The following BIRC6 variants were observed in gnomAD, a reference collection of about 807,000 sequenced individuals.
The protein encoded by BIRC6 is dual E2 ubiquitin-conjugating enzyme/E3 ubiquitin-protein ligase BIRC6.
In BIRC6, 98 loss-of-function variants were observed where a neutral mutation model predicts 503.3. The observed-to-expected ratio is 0.19, with a 90% confidence interval of 0.17 to 0.23. The LOEUF (loss-of-function observed/expected upper bound fraction) is 0.23. Ranked by LOEUF, BIRC6 falls within the 10% of genes least tolerant of loss-of-function variation. The pLI is 1.00. For missense variants in BIRC6, 5,360 were observed against 5,806.0 expected, an observed-to-expected ratio of 0.92 and a Z score of 2.50; for synonymous variants, 2,240 against 2,078.7, an observed-to-expected ratio of 1.08 and a Z score of -2.11.
intron 54 of BIRC6, among the ~76,000 whole-genome samples, chr2:32,513,801 T>C (rs2054700217): frequency 6.6e-6 from 1 of 152,002 alleles, no homozygotes; most frequent in South Asian, 2.1e-4. Context: ...CCCAGTTACT[T>C]GGGAGGCTGA....
At chr2:32,594,165 AG>A (rs1245464740) in intron 67 of BIRC6, 105 bp downstream of exon 67, 2 of 1,301,920 alleles carry the variant, frequency 1.5e-6, no homozygotes, top group African/African-American at 3.0e-5. Flanking sequence ...ATGATTTTAA[AG>A]CAAGTTCATT....
intron 10 of BIRC6, among the ~76,000 whole-genome samples, chr2:32,416,877 C>T (rs1311408613): frequency 6.8e-6 from 1 of 146,794 alleles, no homozygotes; most frequent in Non-Finnish European, 1.5e-5. Context: ...ATTCTTGTTG[C>T]CCAAGCTGAA....
intron 61 of BIRC6, among the ~76,000 whole-genome samples, chr2:32,536,645 G>C (rs552490532): frequency 1.1e-4 from 16 of 152,258 alleles, no homozygotes; most frequent in African/African-American, 3.9e-4. Context: ...TGAGGGCTCT[G>C]TTCTGTTCCA....
chr2:32,380,963 C>G (rs569514175), intron 3 of BIRC6, among the ~76,000 whole-genome samples: 2 of 152,192 alleles, frequency 1.3e-5, no homozygotes, highest in East Asian at 3.9e-4. Flanking sequence ...TTTGTGCTTT[C>G]TCTGAAATTT....
chr2:32,517,240 C>G (rs2055153059), intron 55 of BIRC6, among the ~76,000 whole-genome samples: 1 of 151,944 alleles, frequency 6.6e-6, no homozygotes, highest in South Asian at 2.1e-4. Flanking sequence ...ACTCAGGAGG[C>G]TTGAGGTGGG....
Position 32,430,879 on chromosome 2 carries a change from G to A in BIRC6, c.3037G>A (p.Val1013Met). The change falls in exon 12 of 74, where the codon GTG (valine) becomes ATG (methionine). Residue 1013 changes from valine to methionine, a missense_variant. Coordinates refer to ENST00000421745, the MANE Select transcript of BIRC6 (RefSeq NM_016252.4). ...CTAATGTTAAGGAGTTGATTTATTGGTGGACCAGCCATTCACCCTTGAAAT... is the reference window on the plus strand; with the variant it reads ...CTAATGTTAAGGAGTTGATTTATTGATGGACCAGCCATTCACCCTTGAAAT... ...SPGISGVDLLVDQPFTLEILT... is the reference protein window; with the variant it reads ...SPGISGVDLLMDQPFTLEILT... 1 of 1,574,964 alleles carries A rather than the reference G, an allele frequency of 6.3e-7. No individual in the cohort carries two copies. The highest frequency in any genetic ancestry group is 8.6e-7 in the Non-Finnish European group (1 of 1,157,542).
At chr2:32,487,584 A>T in intron 40 of BIRC6, 63 bp from the exon 41 acceptor site, 2 of 1,438,226 alleles carry the variant, frequency 1.4e-6, no homozygotes, top group Non-Finnish European at 9.7e-7. Context: ...ATACATATGA[A>T]TAACCAGTTA....
chr2:32,500,243 T>C (rs1048005067), intron 46 of BIRC6, 134 bp downstream of exon 46: 1 of 744,574 alleles, frequency 1.3e-6, no homozygotes, highest in African/African-American at 1.8e-5. Flanking sequence ...CTGATTTTTA[T>C]TGGTGAGGAC....
At chr2:32,532,094 G>A (rs1050721572) in intron 61 of BIRC6, 1 of 527,960 alleles carries the variant, frequency 1.9e-6, no homozygotes, top group Non-Finnish European at 3.9e-6. Context: ...CTTTGTGTTT[G>A]TTGAATGAAG....
chr2:32,482,975 T>G (rs2050578425), intron 39 of BIRC6, among the ~76,000 whole-genome samples: 1 of 151,596 alleles, frequency 6.6e-6, no homozygotes, highest in South Asian at 2.1e-4. Flanking sequence ...TGGGGTGCAG[T>G]GATGTGATCC....
chr2:32,518,290 G>T lies in BIRC6; in HGVS notation c.11386G>T (p.Gly3796Trp), dbSNP rs752211814. The change falls in exon 56 of 74, where the codon GGG (glycine) becomes TGG (tryptophan). Residue 3796 changes from glycine (G) to tryptophan (W), a missense_variant. Around this residue, in one of 16 missense-constraint regions of BIRC6, gnomAD observed 878 missense variants for 928.9 expected, o/e 0.95. Transcript: ENST00000421745. ...CELFQTSPQR[G>W]NLPTSGNISG... is the part of the protein sequence containing the mutation. ...ACTATTTCAGACATCTCCTCAAAGA[G>T]GGAACCTTCCAACATCTGGGAACAT... 1.2e-6 allele frequency: 2 copies of T among 1,613,144 alleles called. No individual in the cohort carries two copies. Among genetic ancestry groups the T allele is most frequent in the Non-Finnish European group, 1.7e-6 (2 of 1,179,590 alleles).
In BIRC6 at chr2:32,607,593, A is replaced by G. The variant is rs2062558140; in HGVS notation, c.14209A>G (p.Lys4737Glu). Reference protein sequence around the residue: ...YDGNIRQATVKWAMLEQIRNP... With the variant: ...YDGNIRQATVEWAMLEQIRNP... ...TGGAAACATTCGACAAGCAACAGTT[A>G]AGTGGGCAATGCTAGAACAAATCAG... is the stretch of plus-strand genomic sequence containing the variant. Residue 4737 changes from lysine (K) to glutamate (E), a missense_variant, in exon 72 of 74, where the codon AAG becomes GAG. By Grantham distance (56) the Lys-to-Glu change is moderately conservative (BLOSUM62 1). This residue lies in a region of BIRC6 where 40 missense variants were observed against 53.4 expected (regional missense o/e 0.75). Coordinates refer to ENST00000421745, the MANE Select transcript of BIRC6 (RefSeq NM_016252.4). The G allele has an allele frequency of 6.2e-7, 1 of 1,613,842 alleles. No homozygotes were observed. Among genetic ancestry groups the G allele is most frequent in the Non-Finnish European group, 8.5e-7 (1 of 1,179,782 alleles).
intron 20 of BIRC6, 45 bp downstream of exon 20, chr2:32,443,633 A>C: frequency 7.4e-7 from 1 of 1,355,028 alleles, no homozygotes; most frequent in Non-Finnish European, 1.0e-6. Context: ...GTCATATGGA[A>C]CATCTCATAT....
chr2:32,523,182 C>T (rs932617261), intron 57 of BIRC6: 14 of 151,524 alleles, frequency 9.2e-5, no homozygotes, highest in African/African-American at 1.9e-4. Context: ...TTTTTGCATA[C>T]GTTCAAGTAC....
Position 32,357,493 on chromosome 2 carries a change from C to A in BIRC6, c.325+7C>A. ...CAGGCCTCCGCGCTCAGTGGTGAGT[C>A]TTCCGCACGCCGGGCGGGCGCGAAG... On this transcript the variant is annotated splice_region_variant and intron_variant, in intron 1 of 73. Transcript: ENST00000421745. The surrounding 1 kb of genome is among the most constrained non-coding windows in gnomAD (Gnocchi z 4.9). 1.3e-6 allele frequency: 2 copies of A among 1,540,484 alleles called. No individual in the cohort carries two copies. The highest frequency in any genetic ancestry group is 2.4e-5 in the South Asian group (2 of 82,890).
At chr2:32,601,494 G>A (rs970479008) in intron 70 of BIRC6, among the ~76,000 whole-genome samples, 5 of 152,134 alleles carry the variant, frequency 3.3e-5, no homozygotes, top group African/African-American at 1.2e-4. Flanking sequence ...GGCAGGAGAA[G>A]TGCTTGAACC....
At chr2:32,530,834 G>A (rs754666228) in intron 60 of BIRC6, among the ~76,000 whole-genome samples, 5 of 152,094 alleles carry the variant, frequency 3.3e-5, no homozygotes, top group Admixed American at 6.6e-5. Context: ...GTCTGGTTAC[G>A]TGACCTTTTG....
chr2:32,556,240 AT>A (rs1320684163), intron 65 of BIRC6, among the ~76,000 whole-genome samples: 1 of 152,220 alleles, frequency 6.6e-6, no homozygotes, highest in Non-Finnish European at 1.5e-5. Context: ...TTAAATAATT[AT>A]GACTGGTAAG....
intron 65 of BIRC6, among the ~76,000 whole-genome samples, chr2:32,570,054 G>A (rs911128852): frequency 9.2e-5 from 14 of 152,154 alleles, no homozygotes; most frequent in African/African-American, 2.7e-4. Flanking sequence ...AGTGTTAGCT[G>A]TGGGTTTTTC....
Sources: gnomAD v4.1 joint callset for allele counts (sites outside exome capture counted in the v4.1 genomes callset) on GRCh38, gnomAD v4.1.1 for gene constraint, gnomAD v4.1.1 regional missense constraint, Gnocchi (gnomAD v3.1) non-coding constraint, MANE v1.5 for transcripts, NCBI Gene and HGNC (gene_info 2026-07-23, HGNC 2026-07-21) for gene names.